The following WDR72 variants were observed in gnomAD, a reference collection of about 807,000 sequenced individuals.
WDR72 encodes WD repeat-containing protein 72.
Under a neutral mutation model 124.2 loss-of-function variants are expected in WDR72, and 120 were observed. That is an observed-to-expected ratio of 0.97 (90% CI 0.83 to 1.12). WDR72 has a LOEUF of 1.12. Ranked by LOEUF, WDR72 falls within the 50% of genes most tolerant of loss-of-function variation. The pLI is 0.00. For missense variants in WDR72, 1,387 were observed against 1,278.8 expected, an observed-to-expected ratio of 1.08 and a Z score of -1.29; for synonymous variants, 452 against 441.7, an observed-to-expected ratio of 1.02 and a Z score of -0.29.
intron 18 of WDR72, among the ~76,000 whole-genome samples, chr15:53,565,767 T>TA (rs5812691): frequency 0.72 from 108,653 of 150,052 alleles, 40,677 homozygotes; most frequent in Middle Eastern, 0.88. Context: ...TACGTTGAAT[T>TA]AAAAAAAAAA....
chr15:53,717,909 C>G lies in WDR72; in HGVS notation c.261-1224G>C, dbSNP rs78855200. Among the ~76,000 whole-genome samples, 745 of 152,104 alleles carry G rather than the reference C, an allele frequency of 4.9e-3. 5 individuals carry two copies. The highest frequency in any genetic ancestry group is 7.3e-3 in the Non-Finnish European group (498 of 67,956). ...TATAAAATAGGAGGAAAAAATCTCT[C>G]TGTGTGTGTCTGTGTGTATGTACTA... On this transcript the variant is annotated intron_variant, in intron 3 of 19. Transcript: ENST00000360509.
intron 14 of WDR72, among the ~76,000 whole-genome samples, chr15:53,652,531 T>C (rs1279546849): frequency 2.0e-5 from 3 of 152,178 alleles, no homozygotes; most frequent in Non-Finnish European, 2.9e-5. Context: ...TTCATATTTA[T>C]TACACTTAAA....
intron 13 of WDR72, among the ~76,000 whole-genome samples, chr15:53,677,832 T>C (rs928182595): frequency 6.6e-6 from 1 of 152,214 alleles, no homozygotes. Context: ...ATCATCATCA[T>C]CATCATCAAA....
intron 18 of WDR72, among the ~76,000 whole-genome samples, chr15:53,534,068 T>A (rs538073130): frequency 3.3e-4 from 50 of 152,168 alleles, no homozygotes; most frequent in Non-Finnish European, 6.0e-4. Flanking sequence ...CAATGGAACC[T>A]CTGGTGCTGA....
chr15:53,715,917 G>A (rs1297660211), intron 4 of WDR72, among the ~76,000 whole-genome samples: 1 of 152,144 alleles, frequency 6.6e-6, no homozygotes, highest in Admixed American at 6.6e-5. Flanking sequence ...GGCATTTGAG[G>A]ATTATTATGC....
At chr15:53,659,673 G>C (rs2015544627) in intron 14 of WDR72, among the ~76,000 whole-genome samples, 1 of 148,880 alleles carries the variant, frequency 6.7e-6, no homozygotes, top group South Asian at 2.1e-4. Context: ...CACAAAATGA[G>C]AAAAGGGAAA....
chr15:53,648,618 A>G (rs1000341079), intron 14 of WDR72, among the ~76,000 whole-genome samples: 2 of 152,142 alleles, frequency 1.3e-5, no homozygotes, highest in Non-Finnish European at 2.9e-5. Context: ...AGTGATTTGT[A>G]TGTGTATTCA....
chr15:53,691,458 C>T (rs2016837532), intron 13 of WDR72, among the ~76,000 whole-genome samples: 1 of 152,182 alleles, frequency 6.6e-6, no homozygotes, highest in African/African-American at 2.4e-5. Context: ...TTGCAAATTA[C>T]TTTTCCCATT....
rs1410742805 is a variant in WDR72 at position 53,592,165 on chromosome 15, G to A, written c.3148+4914C>T. 2.0e-5 allele frequency among the ~76,000 whole-genome samples: 3 copies of A among 151,994 alleles called. No individual in the cohort carries two copies. In the East Asian group the frequency reaches 5.8e-4, roughly 29 times the overall value. ...ACACCACACTAGAGAGAAAGCCCCA[G>A]ACCTCACTACCACATACGAGGCCTT... On this transcript the variant is annotated intron_variant, in intron 18 of 19. Coordinates refer to ENST00000360509, the MANE Select transcript of WDR72 (RefSeq NM_182758.4).
intron 18 of WDR72, among the ~76,000 whole-genome samples, chr15:53,530,308 C>T (rs1892379595): frequency 6.6e-6 from 1 of 151,548 alleles, no homozygotes; most frequent in African/African-American, 2.4e-5. Flanking sequence ...TTATACCATA[C>T]AGATAATGAA....
chr15:53,557,688 C>T (rs1015084425), intron 18 of WDR72, among the ~76,000 whole-genome samples: 2 of 151,948 alleles, frequency 1.3e-5, no homozygotes, highest in Non-Finnish European at 2.9e-5. Flanking sequence ...CACCGACCAT[C>T]CTGAGGCTCA....
intron 18 of WDR72, among the ~76,000 whole-genome samples, chr15:53,558,038 T>C (rs1893993493): frequency 6.6e-6 from 1 of 152,004 alleles, no homozygotes; most frequent in Non-Finnish European, 1.5e-5. Context: ...TGGTGGAATC[T>C]GGAGCAGTGG....
intron 2 of WDR72, among the ~76,000 whole-genome samples, chr15:53,727,352 G>A (rs945835965): frequency 4.6e-5 from 7 of 151,922 alleles, no homozygotes; most frequent in Admixed American, 3.9e-4. Flanking sequence ...ACGAACATAT[G>A]TAGATGGTAA....
chr15:53,721,718 C>A (rs1284662318), intron 3 of WDR72, among the ~76,000 whole-genome samples: 2 of 152,176 alleles, frequency 1.3e-5, no homozygotes, highest in Non-Finnish European at 2.9e-5. Flanking sequence ...CGTATAATTT[C>A]TCTTTGTATT....
At chr15:53,655,544 T>C (rs971991329) in intron 14 of WDR72, among the ~76,000 whole-genome samples, 2 of 152,172 alleles carry the variant, frequency 1.3e-5, no homozygotes, top group Non-Finnish European at 2.9e-5. Context: ...CATGCTATGG[T>C]TGTTGTAAAA....
At chr15:53,543,645 A>C (rs1332582058) in intron 18 of WDR72, among the ~76,000 whole-genome samples, 1 of 151,794 alleles carries the variant, frequency 6.6e-6, no homozygotes, top group Non-Finnish European at 1.5e-5. Flanking sequence ...AACTAAAATC[A>C]GAGCAGAACT....
intron 9 of WDR72, among the ~76,000 whole-genome samples, chr15:53,706,350 GTATATATATATATATATA>G (rs56246540): frequency 7.8e-5 from 2 of 25,762 alleles, no homozygotes; most frequent in African/African-American, 2.9e-4. Context: ...GTGTGTGTGT[GTATATATATATATATATA>G]TATATATATA....
At chr15:53,677,802 G>T (rs1362840523) in intron 13 of WDR72, among the ~76,000 whole-genome samples, 2 of 152,046 alleles carry the variant, frequency 1.3e-5, no homozygotes, top group African/African-American at 4.8e-5. Flanking sequence ...ATAAAATATT[G>T]TTTTCTCATC....
chr15:53,527,886 G>T (rs1892214860), intron 18 of WDR72, among the ~76,000 whole-genome samples: 1 of 152,026 alleles, frequency 6.6e-6, no homozygotes, highest in Non-Finnish European at 1.5e-5. Context: ...CAATATGGTA[G>T]CCAAGAGTTG....
Sources: allele counts gnomAD v4.1 joint callset (sites outside exome capture counted in the v4.1 genomes callset), GRCh38; gene constraint gnomAD v4.1.1; transcripts MANE v1.5; gene names NCBI Gene and HGNC (gene_info 2026-07-23, HGNC 2026-07-21).